The following MPP7 variants were observed in gnomAD, a reference collection of about 807,000 sequenced individuals.
MPP7 encodes MAGUK p55 subfamily member 7.
A neutral mutation model predicts 76.5 loss-of-function variants in MPP7; 60 were observed. That is an observed-to-expected ratio of 0.78 (90% CI 0.64 to 0.97). The LOEUF (loss-of-function observed/expected upper bound fraction) is 0.97. Among genes scored for constraint, MPP7 ranks in the 50% least tolerant of loss-of-function variants. The pLI, the probability that MPP7 is intolerant of heterozygous loss-of-function variation, is 0.00. For missense variants in MPP7, 641 were observed against 694.0 expected, an observed-to-expected ratio of 0.92 and a Z score of 0.86; for synonymous variants, 237 against 244.5, an observed-to-expected ratio of 0.97 and a Z score of 0.29.
rs139505851 is a variant in MPP7, at chr10:28,172,474, C to T, written c.157-22415G>A. Among the ~76,000 whole-genome samples the T allele has an allele frequency of 3.4e-3, 522 of 152,306 alleles. 1 individual carries two copies. The highest frequency in any genetic ancestry group is 0.011 in the African/African-American group (456 of 41,566). ...CATACATGTATTGTATTTCTACTCC[C>T]GAAGGCAGTTACTGTGGAAATATCA... On this transcript the variant is annotated intron_variant, in intron 3 of 16. Coordinates refer to ENST00000683449, the MANE Select transcript of MPP7 (RefSeq NM_001318170.2).
chr10:28,188,390 TC>T (rs1181368367), intron 3 of MPP7, among the ~76,000 whole-genome samples: 5 of 152,164 alleles, frequency 3.3e-5, no homozygotes, highest in Non-Finnish European at 5.9e-5. Context: ...AAAGTGTTCA[TC>T]TTTATTAAGG....
chr10:28,308,917 C>T (rs564577954), intron 2 of MPP7, among the ~76,000 whole-genome samples: 21 of 152,062 alleles, frequency 1.4e-4, no homozygotes, highest in African/African-American at 4.1e-4. Context: ...ACCAAGGACA[C>T]GGACTAAGAA....
intron 3 of MPP7, among the ~76,000 whole-genome samples, chr10:28,179,622 T>C (rs995540774): frequency 2.6e-5 from 4 of 152,262 alleles, no homozygotes; most frequent in African/African-American, 9.6e-5. Context: ...TTGCTTCTTT[T>C]ATCTTTAACC....
intron 6 of MPP7, among the ~76,000 whole-genome samples, chr10:28,125,297 C>T (rs1342957062): frequency 1.3e-5 from 2 of 152,158 alleles, no homozygotes; most frequent in African/African-American, 4.8e-5. Context: ...ATCTACATAG[C>T]ATCAAAGGGT....
intron 2 of MPP7, among the ~76,000 whole-genome samples, chr10:28,318,032 C>T (rs1203872456): frequency 1.3e-5 from 2 of 152,190 alleles, no homozygotes; most frequent in Non-Finnish European, 2.9e-5. Flanking sequence ...GGTGCCATCG[C>T]CTATTATGAG....
intron 12 of MPP7, among the ~76,000 whole-genome samples, chr10:28,070,496 A>C (rs1270718795): frequency 6.6e-6 from 1 of 152,224 alleles, no homozygotes; most frequent in Non-Finnish European, 1.5e-5. Flanking sequence ...AGATAGTGAA[A>C]ATGTCAATTT....
chr10:28,294,045 C>T (rs1405735747), intron 1 of MPP7, among the ~76,000 whole-genome samples: 1 of 152,150 alleles, frequency 6.6e-6, no homozygotes, highest in African/African-American at 2.4e-5. Flanking sequence ...TGGTGGCTCA[C>T]GCCTGTAATA....
At chr10:28,198,116 T>C (rs1237110413) in intron 3 of MPP7, among the ~76,000 whole-genome samples, 1 of 152,202 alleles carries the variant, frequency 6.6e-6, no homozygotes, top group Non-Finnish European at 1.5e-5. Context: ...TGCTACATTT[T>C]TTCCTCCTGT....
At chr10:28,222,180 C>T (rs1223851185) in intron 2 of MPP7, among the ~76,000 whole-genome samples, 1 of 151,642 alleles carries the variant, frequency 6.6e-6, no homozygotes, top group African/African-American at 2.4e-5. Context: ...GGACTGAACC[C>T]TAAGATTTGT....
intron 1 of MPP7, among the ~76,000 whole-genome samples, chr10:28,276,003 C>A (rs576722622): frequency 1.3e-5 from 2 of 151,518 alleles, no homozygotes; most frequent in South Asian, 4.2e-4. Context: ...ACTCACCCAT[C>A]CTCTTGACCA....
Position 28,330,495 on chromosome 10 carries a change from G to A in MPP7, c.-205-493C>T, listed in dbSNP as rs188009976. 2.2e-4 allele frequency among the ~76,000 whole-genome samples: 33 copies of A among 152,096 alleles called. No homozygotes were observed. The East Asian group carries it at 5.8e-3, about 27-fold the overall frequency. Reference sequence around the variant, plus strand: ...TAATTTTTAGACTTTTTTAAAAAAAGCAGGAAGAGACTGGGTAAAAGCTTC... The same window carrying A: ...TAATTTTTAGACTTTTTTAAAAAAAACAGGAAGAGACTGGGTAAAAGCTTC... On this transcript the variant is annotated intron_variant, in intron 1 of 11. Transcript: ENST00000441595.
chr10:28,333,208 G>T (rs752563476), intron 1 of MPP7, among the ~76,000 whole-genome samples: 4 of 152,106 alleles, frequency 2.6e-5, no homozygotes, highest in African/African-American at 4.8e-5. Context: ...GCAATGGCAC[G>T]ATCTCAGCTC....
chr10:28,311,693 G>T (rs1841290228), intron 2 of MPP7, among the ~76,000 whole-genome samples: 1 of 151,194 alleles, frequency 6.6e-6, no homozygotes, highest in South Asian at 2.1e-4. Flanking sequence ...GACCAACATG[G>T]GCAACATAGC....
At chr10:28,155,776 A>AAAACAAAAC (rs1554843102) in intron 3 of MPP7, among the ~76,000 whole-genome samples, 1 of 151,838 alleles carries the variant, frequency 6.6e-6, no homozygotes, top group African/African-American at 2.4e-5. Flanking sequence ...CTTAAAAAAA[A>AAAACAAAAC]AAAACAAAAC....
At chr10:28,085,529 T>C (rs2133427370) in intron 12 of MPP7, among the ~76,000 whole-genome samples, 1 of 152,276 alleles carries the variant, frequency 6.6e-6, no homozygotes, top group Middle Eastern at 3.4e-3. Context: ...CAAACAGATA[T>C]TTTGGTTGTC....
At chr10:28,177,055 AAAC>A (rs1390096811) in intron 3 of MPP7, among the ~76,000 whole-genome samples, 1 of 151,746 alleles carries the variant, frequency 6.6e-6, no homozygotes, top group African/African-American at 2.4e-5. Flanking sequence ...GAAAAGAAAA[AAAC>A]AAGAATAATT....
intron 8 of MPP7, among the ~76,000 whole-genome samples, chr10:28,122,174 T>C (rs1267278492): frequency 2.0e-5 from 3 of 152,196 alleles, no homozygotes; most frequent in Non-Finnish European, 4.4e-5. Context: ...TTTTCTATAA[T>C]CTCCTCTTAT....
intron 12 of MPP7, among the ~76,000 whole-genome samples, chr10:28,070,359 T>A (rs953944914): frequency 1.3e-5 from 2 of 151,996 alleles, no homozygotes; most frequent in Non-Finnish European, 2.9e-5. Flanking sequence ...AGATCGCGCC[T>A]CTGCACTCCA....
intron 2 of MPP7, among the ~76,000 whole-genome samples, chr10:28,317,714 C>T (rs1834336223): frequency 1.3e-5 from 2 of 152,140 alleles, no homozygotes; most frequent in South Asian, 4.1e-4. Context: ...GATACAGTGG[C>T]AGGAAAGTGA....
Sources: gnomAD v4.1 joint callset for allele counts (sites outside exome capture counted in the v4.1 genomes callset) on GRCh38, gnomAD v4.1.1 for gene constraint, MANE v1.5 for transcripts, NCBI Gene and HGNC (gene_info 2026-07-23, HGNC 2026-07-21) for gene names.